ZNF577: variants seen among roughly 807,000 people sequenced by gnomAD.
ZNF577 encodes zinc finger protein 577.
Under a neutral mutation model 13.9 loss-of-function variants are expected in ZNF577, and 14 were observed. The observed-to-expected ratio is 1.00, with a 90% CI of 0.66 to 1.57. The LOEUF (loss-of-function observed/expected upper bound fraction) is 1.57, where lower values mean the gene tolerates loss of function less well. Among genes scored for constraint, ZNF577 ranks in the 40% most tolerant of loss-of-function variants. The pLI, the probability that ZNF577 is intolerant of heterozygous loss-of-function variation, is 0.00. For missense variants in ZNF577, 555 were observed against 579.2 expected, an observed-to-expected ratio of 0.96 and a Z score of 0.43; for synonymous variants, 203 against 202.9, an observed-to-expected ratio of 1.00 and a Z score of 0.00.
intron 9 of ZNF577, among the ~76,000 whole-genome samples, chr19:51,829,152 C>T (rs761492257): frequency 2.6e-5 from 4 of 151,984 alleles, no homozygotes; most frequent in Admixed American, 6.6e-5. Flanking sequence ...CCAACCTGGC[C>T]GAATGACAGA....
chr19:51,885,841 A>G (rs1489429955), intron 1 of ZNF577, among the ~76,000 whole-genome samples: 2 of 152,214 alleles, frequency 1.3e-5, no homozygotes, highest in Non-Finnish European at 2.9e-5. Flanking sequence ...AAAGACATGT[A>G]GAAAAACGTT....
At chr19:51,850,207 A>G (rs1489865068) in intron 5 of ZNF577, among the ~76,000 whole-genome samples, 1 of 152,092 alleles carries the variant, frequency 6.6e-6, no homozygotes, top group Admixed American at 6.5e-5. Flanking sequence ...CCTGCTTGGG[A>G]AGAGTATCTT....
At chr19:51,836,462 T>G (rs959043712) in intron 9 of ZNF577, among the ~76,000 whole-genome samples, 4 of 152,226 alleles carry the variant, frequency 2.6e-5, no homozygotes, top group African/African-American at 9.6e-5. Context: ...TGACGATTTG[T>G]GATGTTTGGC....
At chr19:51,848,338 G>A (rs2084364427) in intron 5 of ZNF577, among the ~76,000 whole-genome samples, 1 of 152,226 alleles carries the variant, frequency 6.6e-6, no homozygotes, top group Non-Finnish European at 1.5e-5. Context: ...GGAAAGAAGG[G>A]AGGGAGAATT....
chr19:51,860,815 T>G, intron 5 of ZNF577: 1 of 307,852 alleles, frequency 3.2e-6, no homozygotes, highest in East Asian at 1.4e-4. Context: ...CTGGGAAGAC[T>G]TTATCACAAT....
chr19:51,843,839 T>C (rs1029421469), intron 6 of ZNF577, among the ~76,000 whole-genome samples: 4 of 152,150 alleles, frequency 2.6e-5, no homozygotes, highest in Non-Finnish European at 5.9e-5. Context: ...TGATTAGTAG[T>C]GCGTTCTAAA....
chr19:51,822,159 G>A (rs755039513), intron 9 of ZNF577, among the ~76,000 whole-genome samples: 1 of 152,184 alleles, frequency 6.6e-6, no homozygotes, highest in South Asian at 2.1e-4. Flanking sequence ...CTGGTGCAGA[G>A]GCAGGGACTG....
chr19:51,816,796 G>C (rs543508539), intron 9 of ZNF577, among the ~76,000 whole-genome samples: 1 of 152,308 alleles, frequency 6.6e-6, no homozygotes, highest in Admixed American at 6.5e-5. Flanking sequence ...CATCAGAACT[G>C]AATTTCATTG....
In ZNF577 at chr19:51,873,231, C is replaced by T; in HGVS notation, c.759G>A (p.Arg253=). 1 of 1,613,916 alleles carries T rather than the reference C, an allele frequency of 6.2e-7. No individual in the cohort carries two copies. The highest frequency in any genetic ancestry group is 8.5e-7 in the Non-Finnish European group (1 of 1,179,820). Residue 253 remains arginine, a synonymous_variant, in exon 6 of 6, where the codon CGG becomes CGA. Coordinates refer to ENST00000638348, the MANE Select transcript of ZNF577 (RefSeq NM_001370449.1). ...GCTGATGTCTATTGAGCCGGCACTT[C>T]CGGCTGAAGGCTTTTCCGCATTTGC... The part of the protein sequence containing the change: ...RCSKCGKAFS[R]KCRLNRHQRS...
intron 10 of ZNF577, among the ~76,000 whole-genome samples, chr19:51,807,745 C>A (rs531578118): frequency 5.3e-5 from 8 of 152,204 alleles, no homozygotes; most frequent in South Asian, 2.1e-4. Flanking sequence ...TTATCTATCA[C>A]GCCCATGAAG....
At chr19:51,857,004 G>A (rs995022711) in intron 5 of ZNF577, among the ~76,000 whole-genome samples, 1 of 152,166 alleles carries the variant, frequency 6.6e-6, no homozygotes, top group Admixed American at 6.5e-5. Flanking sequence ...AGTCCATGAA[G>A]ACAACATCTG....
chr19:51,873,744 C>G (rs1204015199), intron 5 of ZNF577, 38 bp from the exon 6 acceptor site: 4 of 1,455,604 alleles, frequency 2.7e-6, no homozygotes, highest in Non-Finnish European at 3.7e-6. Flanking sequence ...GCGAGCCAAA[C>G]TTATTGTGTC....
At chr19:51,864,980 G>A (rs1381061800), downstream of ZNF577, among the ~76,000 whole-genome samples, 2 of 152,204 alleles carry the variant, frequency 1.3e-5, no homozygotes, top group Non-Finnish European at 2.9e-5. Flanking sequence ...ACCAACATCT[G>A]TGGGAAGCAA....
intron 8 of ZNF577, among the ~76,000 whole-genome samples, chr19:51,841,648 G>T (rs1489189569): frequency 6.6e-6 from 1 of 152,182 alleles, no homozygotes; most frequent in Non-Finnish European, 1.5e-5. Context: ...GCCCGATGCG[G>T]TGGCTCATGC....
intron 9 of ZNF577, among the ~76,000 whole-genome samples, chr19:51,823,441 C>T (rs1481584141): frequency 6.6e-6 from 1 of 152,162 alleles, no homozygotes; most frequent in Admixed American, 6.5e-5. Context: ...GCTGCCTATG[C>T]TCAATTTTCC....
chr19:51,849,661 A>G (rs541935738), intron 5 of ZNF577, among the ~76,000 whole-genome samples: 1 of 152,330 alleles, frequency 6.6e-6, no homozygotes, highest in South Asian at 2.1e-4. Flanking sequence ...TGTTAAGGAA[A>G]CGATACTGGA....
chr19:51,816,390 G>A (rs1178370622), intron 9 of ZNF577, among the ~76,000 whole-genome samples: 6 of 152,046 alleles, frequency 3.9e-5, no homozygotes, highest in Non-Finnish European at 8.8e-5. Context: ...TGGAATTACT[G>A]GCATGTGCCA....
intron 9 of ZNF577, among the ~76,000 whole-genome samples, chr19:51,819,063 T>G (rs1303318300): frequency 6.6e-6 from 1 of 152,148 alleles, no homozygotes; most frequent in Non-Finnish European, 1.5e-5. Context: ...ATATAATCAA[T>G]AGGACTTGGA....
At chr19:51,838,664 T>C (rs1215048200) in intron 9 of ZNF577, among the ~76,000 whole-genome samples, 1 of 149,506 alleles carries the variant, frequency 6.7e-6, no homozygotes, top group African/African-American at 2.4e-5. Flanking sequence ...AATTTAAAAG[T>C]TTAAATATGC....
Sources: gnomAD v4.1 joint callset for allele counts (sites outside exome capture counted in the v4.1 genomes callset) on GRCh38, gnomAD v4.1.1 for gene constraint, MANE v1.5 for transcripts, NCBI Gene and HGNC (gene_info 2026-07-23, HGNC 2026-07-21) for gene names.